PTPN23: variants seen among roughly 807,000 people sequenced by gnomAD.
PTPN23 encodes protein tyrosine phosphatase non-receptor type 23.
In PTPN23, 72 loss-of-function variants were observed where a neutral mutation model predicts 156.3. The ratio of observed to expected loss-of-function variants is 0.46; its 90% CI spans 0.38 to 0.56. The LOEUF is 0.56. PTPN23 is among the 20% of genes least tolerant of loss of function. The probability of loss-of-function intolerance (pLI) is 0.00; values close to 1 mark genes in which losing one functional copy is unlikely to be tolerated. For synonymous variants in PTPN23, 957 were observed against 899.6 expected (o/e 1.06, Z -1.14); for missense variants, 1,974 against 2,171.5 (o/e 0.91, Z 1.81).
intron 2 of PTPN23, among the ~76,000 whole-genome samples, chr3:47,401,752 G>A (rs756054608): frequency 1.3e-5 from 2 of 152,186 alleles, no homozygotes; most frequent in Non-Finnish European, 2.9e-5. Context: ...GTGAGCTGCA[G>A]CTGTGACATG....
chr3:47,408,266 G>T, intron 14 of PTPN23, 79 bp from the exon 15 acceptor site: 1 of 1,557,410 alleles, frequency 6.4e-7, no homozygotes, highest in South Asian at 1.2e-5. Context: ...GAGTGGTGAG[G>T]CTTGCCCTAG....
At chr3:47,389,764 C>CG (rs550703393) in intron 1 of PTPN23, among the ~76,000 whole-genome samples, 12 of 142,586 alleles carry the variant, frequency 8.4e-5, no homozygotes, top group Admixed American at 3.8e-4. Flanking sequence ...GGCGTGAACC[C>CG]GGGGGGGTGG....
chr3:47,407,060 G>A lies in PTPN23; in HGVS notation c.808-70G>A. Reference sequence around the variant, plus strand: ...GTCATCTGATGGACAGGCAGGGCCGGGTGGGAGGCAGGAGGAGAAAGGGTC... The same window carrying A: ...GTCATCTGATGGACAGGCAGGGCCGAGTGGGAGGCAGGAGGAGAAAGGGTC... On this transcript the variant is annotated intron_variant, in intron 9 of 24. Coordinates refer to ENST00000265562, the MANE Select transcript of PTPN23 (RefSeq NM_015466.4). This position sits in a 1 kb window ranked among gnomAD's most constrained non-coding sequence, Gnocchi z 4.0. The A allele has an allele frequency of 1.3e-6, 2 of 1,595,744 alleles. No homozygotes were observed. The highest frequency in any genetic ancestry group is 1.7e-6 in the Non-Finnish European group (2 of 1,165,120).
chr3:47,385,650 C>T (rs1448270253), intron 1 of PTPN23, among the ~76,000 whole-genome samples: 1 of 152,170 alleles, frequency 6.6e-6, no homozygotes, highest in Non-Finnish European at 1.5e-5. Context: ...GTACTCTAGT[C>T]AGGGCGACAG....
rs763718793 is a variant in PTPN23 at position 47,409,988 on chromosome 3, G to A, written c.2190G>A (p.Arg730=). The change falls in exon 20 of 25, where the codon AGG becomes AGA. Residue 730 remains arginine (R), a synonymous_variant. Coordinates refer to ENST00000265562, the MANE Select transcript of PTPN23 (RefSeq NM_015466.4). ...CCCCAAAGCCGCTGCTGCCCCGCAGGGAGGAGAGTGAGGCAGTGGAAGCAG... is the reference window on the plus strand; with the variant it reads ...CCCCAAAGCCGCTGCTGCCCCGCAGAGAGGAGAGTGAGGCAGTGGAAGCAG... ...PTAPKPLLPR[R]EESEAVEAGD... is the part of the protein sequence containing the mutation. 6.3e-7 allele frequency: 1 copy of A among 1,598,084 alleles called. No homozygotes were observed. Among genetic ancestry groups the A allele is most frequent in the South Asian group, 1.1e-5 (1 of 88,782 alleles).
At position 47,409,032 on chromosome 3, in the gene PTPN23, C is replaced by A. The variant is rs146579990; in HGVS notation, c.1587C>A (p.Leu529=). 7 of 1,613,834 alleles carry A rather than the reference C, an allele frequency of 4.3e-6. No individual in the cohort carries two copies. The South Asian group carries it at 4.4e-5, about 10-fold the overall frequency. Residue 529 remains leucine (L), a synonymous_variant, in exon 16 of 25, where the codon CTC becomes CTA. Transcript: ENST00000265562. ...MNLHVGNLRL[L]SGPLDQVRAA... is the part of the protein sequence containing the mutation. ...TGCACGTCGGCAACCTGCGCCTGCT[C>A]AGCGGGCCGCTTGACCAGGTCCGGG...
chr3:47,409,101 G>T lies in PTPN23; in HGVS notation c.1642+14G>T. 1 of 1,608,978 alleles carries T rather than the reference G, an allele frequency of 6.2e-7. No homozygotes were observed. The highest frequency in any genetic ancestry group is 8.5e-7 in the Non-Finnish European group (1 of 1,176,782). On this transcript the variant is annotated intron_variant, in intron 16 of 24. Transcript: ENST00000265562. The stretch of plus-strand genomic sequence containing the variant: ...CCCTCTCCCCAGGTGAGCCCCACCA[G>T]ACCCCATTGGGAGACTCGAGCTGGG...
intron 2 of PTPN23, among the ~76,000 whole-genome samples, chr3:47,403,652 C>G (rs1559523521): frequency 6.6e-6 from 1 of 152,086 alleles, no homozygotes; most frequent in African/African-American, 2.4e-5. Context: ...CGTCGGCCTC[C>G]CAAGGAGCTG....
chr3:47,390,256 G>A (rs1484202723), intron 1 of PTPN23, among the ~76,000 whole-genome samples: 1 of 152,000 alleles, frequency 6.6e-6, no homozygotes, highest in Non-Finnish European at 1.5e-5. Flanking sequence ...CAAAAACCAA[G>A]CCCAGATTTC....
intron 1 of PTPN23, 59 bp downstream of exon 1, chr3:47,381,239 C>T: frequency 3.2e-6 from 5 of 1,544,024 alleles, no homozygotes; most frequent in Non-Finnish European, 4.4e-6. Flanking sequence ...TCTGCAAGCG[C>T]GTGACGCCCC....
intron 14 of PTPN23, 117 bp downstream of exon 14, chr3:47,408,072 C>A: frequency 7.7e-7 from 1 of 1,300,666 alleles, no homozygotes; most frequent in Non-Finnish European, 1.1e-6. Flanking sequence ...ACAGGTTTCC[C>A]AATGCTGCCT....
chr3:47,413,257 G>T lies in PTPN23; in HGVS notation c.*72G>T. ...TGCCCACCTGCCCACACCCAGCAGA[G>T]CTTCTCAGTGGGCACAGTCTCTTAC... On this transcript the variant is annotated 3_prime_UTR_variant, in exon 25 of 25. Coordinates refer to ENST00000265562, the MANE Select transcript of PTPN23 (RefSeq NM_015466.4). 6.5e-7 allele frequency: 1 copy of T among 1,528,812 alleles called. No individual in the cohort carries two copies. The highest frequency in any genetic ancestry group is 8.8e-7 in the Non-Finnish European group (1 of 1,130,026). The allele number at this position is 1,528,812 out of a possible 1,614,324, so 94.7% of individuals were successfully genotyped here. A position where few individuals can be genotyped will look rare whatever the true frequency, so the allele number is the denominator to read the frequency against.
rs376815605 is a variant in PTPN23 at position 47,411,409 on chromosome 3, A to G, written c.3611A>G (p.His1204Arg). 23 of 1,613,066 alleles carry G rather than the reference A, an allele frequency of 1.4e-5. No homozygotes were observed. Among genetic ancestry groups the G allele is most frequent in the East Asian group, 4.5e-5 (2 of 44,876 alleles). The change falls in exon 20 of 25, where the codon CAT becomes CGT. Residue 1204 changes from histidine (H) to arginine (R), a missense_variant. Coordinates refer to ENST00000265562, the MANE Select transcript of PTPN23 (RefSeq NM_015466.4). The surrounding 1 kb of genome is among the most constrained non-coding windows in gnomAD (Gnocchi z 6.3). Reference sequence around the variant, plus strand: ...CGAGAGCTGCAAGATGCGCAGGAACATGATGCCCGAGGCCGTTCCATCGCC... The same window carrying G: ...CGAGAGCTGCAAGATGCGCAGGAACGTGATGCCCGAGGCCGTTCCATCGCC... ...VWRELQDAQE[H>R]DARGRSIAIA...
intron 2 of PTPN23, among the ~76,000 whole-genome samples, chr3:47,396,835 A>T (rs1007021203): frequency 2.6e-5 from 4 of 152,138 alleles, no homozygotes; most frequent in African/African-American, 9.7e-5. Flanking sequence ...CTGAGGAGGG[A>T]AGATCACTTG....
At chr3:47,408,525 G>A in intron 15 of PTPN23, 35 bp downstream of exon 15, 1 of 1,589,296 alleles carries the variant, frequency 6.3e-7, no homozygotes. Context: ...GTGGAAGGGA[G>A]TGTGGAGGTC....
rs1705227635 is a variant in PTPN23, at chr3:47,410,007, G to A, written c.2209G>A (p.Glu737Lys). ...CCGCAGGGAGGAGAGTGAGGCAGTG[G>A]AAGCAGGAGACCCCCCTGAGGAGCT... ...LPRREESEAV[E>K]AGDPPEELRS... Residue 737 changes from glutamate to lysine, a missense_variant, in exon 20 of 25, where the codon GAA becomes AAA. Physicochemically the swap from Glu to Lys is moderately conservative, Grantham distance 56. Coordinates refer to ENST00000265562, the MANE Select transcript of PTPN23 (RefSeq NM_015466.4). 6.2e-7 allele frequency: 1 copy of A among 1,606,854 alleles called. No homozygotes were observed. Among genetic ancestry groups the A allele is most frequent in the Non-Finnish European group, 8.5e-7 (1 of 1,177,246 alleles).
intron 1 of PTPN23, among the ~76,000 whole-genome samples, chr3:47,392,420 C>T (rs1364603861): frequency 6.6e-6 from 1 of 152,126 alleles, no homozygotes; most frequent in Non-Finnish European, 1.5e-5. Flanking sequence ...CTCCTAGCCT[C>T]AAGTGATCCT....
At chr3:47,390,398 G>A (rs2107696895) in intron 1 of PTPN23, among the ~76,000 whole-genome samples, 1 of 152,104 alleles carries the variant, frequency 6.6e-6, no homozygotes, top group East Asian at 1.9e-4. Flanking sequence ...TATTCCTTCA[G>A]AAAAGGATCC....
At chr3:47,381,208 A>C in intron 1 of PTPN23, 28 bp downstream of exon 1, 1 of 1,559,086 alleles carries the variant, frequency 6.4e-7, no homozygotes, top group Non-Finnish European at 8.7e-7. Flanking sequence ...CTTCCCCCCT[A>C]TCCGCCGCGT....
Sources: allele counts gnomAD v4.1 joint callset (sites outside exome capture counted in the v4.1 genomes callset), GRCh38; gene constraint gnomAD v4.1.1; non-coding constraint Gnocchi (gnomAD v3.1); transcripts MANE v1.5; gene names NCBI Gene and HGNC (gene_info 2026-07-23, HGNC 2026-07-21).